The following FMNL2 variants were observed in gnomAD, a reference collection of about 807,000 sequenced individuals.
The protein encoded by FMNL2 is formin like 2.
FMNL2 carries 51 observed loss-of-function variants against 130.2 expected under a neutral mutation model. The observed-to-expected ratio is 0.39, with a 90% CI of 0.31 to 0.49. The LOEUF is 0.49. Ranked by LOEUF, FMNL2 falls within the 20% of genes least tolerant of loss-of-function variation. The pLI is 0.85. For missense variants in FMNL2, 977 were observed against 1,316.2 expected (o/e 0.74, Z 3.99); for synonymous variants, 465 against 467.1 (o/e 1.00, Z 0.06).
intron 1 of FMNL2, among the ~76,000 whole-genome samples, chr2:152,375,858 T>G (rs1684125197): frequency 9.1e-6 from 1 of 109,990 alleles, no homozygotes; most frequent in African/African-American, 3.6e-5. Flanking sequence ...AAGCTCTCTC[T>G]CTCTCTCTCT....
chr2:152,640,871 T>A lies in FMNL2; in HGVS notation c.3126T>A (p.His1042Gln), dbSNP rs1163436919. 6.2e-7 allele frequency: 1 copy of A among 1,613,668 alleles called. No homozygotes were observed. The highest frequency in any genetic ancestry group is 8.5e-7 in the Non-Finnish European group (1 of 1,179,798). The change falls in exon 25 of 26, where the codon CAT becomes CAA. Residue 1042 changes from histidine (H) to glutamine (Q), a missense_variant. His to Gln is a conservative substitution (Grantham distance 24, BLOSUM62 0). Transcript: ENST00000288670. ...GACGACAAGTTAAAGATAACAGACA[T>A]GTATATGAGGGAAAAGATGGTGCCA... ...LRRRQVKDNR[H>Q]VYEGKDGAIE...
intron 1 of FMNL2, among the ~76,000 whole-genome samples, chr2:152,484,956 A>G (rs1355425746): frequency 8.5e-5 from 13 of 152,216 alleles, no homozygotes; most frequent in Admixed American, 7.2e-4. Flanking sequence ...TAGCTCTTGT[A>G]TATGAGACGT....
chr2:152,623,737 C>T (rs183908277), intron 15 of FMNL2, among the ~76,000 whole-genome samples: 48 of 152,102 alleles, frequency 3.2e-4, no homozygotes, highest in African/African-American at 8.9e-4. Context: ...AACAGACTGA[C>T]GAAGCTGAAT....
At chr2:152,454,790 C>G (rs1467917443) in intron 1 of FMNL2, among the ~76,000 whole-genome samples, 1 of 152,124 alleles carries the variant, frequency 6.6e-6, no homozygotes, top group African/African-American at 2.4e-5. Context: ...TCTGTTCATG[C>G]CATTGATTTA....
At chr2:152,627,882 C>A (rs7592127) in intron 17 of FMNL2, among the ~76,000 whole-genome samples, 136,105 of 152,292 alleles carry the variant, frequency 0.89, 60,920 homozygotes, top group Admixed American at 0.91. Flanking sequence ...ATATTCTGTA[C>A]TAATGTGTAC....
intron 21 of FMNL2, among the ~76,000 whole-genome samples, chr2:152,632,787 C>T (rs1682266415): frequency 6.6e-6 from 1 of 152,144 alleles, no homozygotes; most frequent in Non-Finnish European, 1.5e-5. Flanking sequence ...ATCCAATGTA[C>T]CATGTTCCCT....
Position 152,414,735 on chromosome 2 carries a change from A to G in FMNL2, c.117+79015A>G, listed in dbSNP as rs532210494. On this transcript the variant is annotated intron_variant, in intron 1 of 25. Transcript: ENST00000288670. The stretch of plus-strand genomic sequence containing the variant: ...CCATTTTAGGTAAGCTCAAGTCTTT[A>G]CAACTCTGCACCTTCTACCAGTCCT... Among the ~76,000 whole-genome samples the G allele has an allele frequency of 3.3e-5, 5 of 152,334 alleles. No homozygotes were observed. The East Asian group carries it at 9.6e-4, about 29-fold the overall frequency.
chr2:152,408,242 T>C (rs1433107746), intron 1 of FMNL2, among the ~76,000 whole-genome samples: 1 of 152,186 alleles, frequency 6.6e-6, no homozygotes, highest in Non-Finnish European at 1.5e-5. Flanking sequence ...TTCAAAGAAC[T>C]TTTTTAAAAA....
chr2:152,597,229 T>C (rs529864724), intron 9 of FMNL2, among the ~76,000 whole-genome samples: 1 of 152,232 alleles, frequency 6.6e-6, no homozygotes, highest in East Asian at 1.9e-4. Flanking sequence ...TCAGCTGTTA[T>C]CTTTAAATTA....
intron 12 of FMNL2, 71 bp downstream of exon 12, chr2:152,615,071 T>C: frequency 6.5e-7 from 1 of 1,531,290 alleles, no homozygotes; most frequent in South Asian, 1.2e-5. Context: ...AATGTCAGCT[T>C]TTATGGTGGT....
rs767688756 is a variant in FMNL2, at chr2:152,619,564, ACCT to A, written c.1692_1694del (p.Pro573del). On this transcript the variant is annotated inframe_deletion, in exon 15 of 26. Transcript: ENST00000288670. ...CACCGCCGCCGCCGCCCCCTCCTCC[ACCT>A]CCTCCTCCCCCACCGCCCCCTCCGC... The A allele has an allele frequency of 1.8e-5, 13 of 709,494 alleles. No homozygotes were observed. Among genetic ancestry groups the A allele is most frequent in the Non-Finnish European group, 2.4e-5 (13 of 536,704 alleles). The allele number at this position is 709,494 out of a possible 1,614,324, so 43.9% of individuals were successfully genotyped here. A position where few individuals can be genotyped will look rare whatever the true frequency, so the allele number is the denominator to read the frequency against.
At chr2:152,635,285 C>T (rs1012618098) in intron 21 of FMNL2, among the ~76,000 whole-genome samples, 2 of 152,290 alleles carry the variant, frequency 1.3e-5, no homozygotes, top group Admixed American at 6.5e-5. Context: ...CTTCTGATGG[C>T]CGGCCACTAA....
intron 1 of FMNL2, among the ~76,000 whole-genome samples, chr2:152,404,639 T>A (rs889685105): frequency 6.6e-6 from 1 of 152,024 alleles, no homozygotes. Flanking sequence ...TCCAGCAGAG[T>A]CCTAATCAAA....
intron 9 of FMNL2, among the ~76,000 whole-genome samples, chr2:152,596,319 A>G (rs1697772794): frequency 1.3e-5 from 2 of 152,044 alleles, no homozygotes; most frequent in African/African-American, 2.4e-5. Flanking sequence ...TGAAGACACT[A>G]TTGGTCTCTG....
chr2:152,574,434 CA>C (rs57776446), intron 6 of FMNL2, among the ~76,000 whole-genome samples: 23,917 of 107,096 alleles, frequency 0.22, 1,295 homozygotes, highest in Non-Finnish European at 0.28. Flanking sequence ...GACTCTGTCT[CA>C]AAAAAAAAAA....
chr2:152,416,566 C>T (rs141099336), intron 1 of FMNL2, among the ~76,000 whole-genome samples: 41 of 152,224 alleles, frequency 2.7e-4, no homozygotes, highest in African/African-American at 9.1e-4. Context: ...AAGCTAGAAT[C>T]AAATATGTTA....
intron 1 of FMNL2, among the ~76,000 whole-genome samples, chr2:152,438,170 T>C (rs562536668): frequency 1.2e-4 from 19 of 152,238 alleles, no homozygotes; most frequent in Non-Finnish European, 2.2e-4. Context: ...CAAATTTCTC[T>C]ATACAAGCAT....
chr2:152,608,370 AAG>A (rs1467451289), intron 10 of FMNL2, among the ~76,000 whole-genome samples: 4,077 of 14,006 alleles, frequency 0.29, 483 homozygotes, highest in African/African-American at 0.35. Context: ...GAAAAAAAAA[AAG>A]AAAAAAAAAA....
At chr2:152,633,964 G>T (rs187360796) in intron 21 of FMNL2, among the ~76,000 whole-genome samples, 181 of 152,320 alleles carry the variant, frequency 1.2e-3, no homozygotes, top group African/African-American at 2.7e-3. Context: ...CATTTATCCA[G>T]TGAACACCTT....
Sources: gnomAD v4.1 joint callset for allele counts (sites outside exome capture counted in the v4.1 genomes callset) on GRCh38, gnomAD v4.1.1 for gene constraint, MANE v1.5 for transcripts, NCBI Gene and HGNC (gene_info 2026-07-23, HGNC 2026-07-21) for gene names.